FYTTD1: variants seen among roughly 807,000 people sequenced by gnomAD.
The protein encoded by FYTTD1 is UAP56-interacting factor.
Under a neutral mutation model 40.9 loss-of-function variants are expected in FYTTD1, and 22 were observed. The observed-to-expected ratio is 0.54, with a 90% confidence interval of 0.38 to 0.77. The LOEUF is 0.77. Ranked by LOEUF, FYTTD1 falls within the 30% of genes least tolerant of loss-of-function variation. The probability of loss-of-function intolerance (pLI) is 0.00; values close to 1 mark genes in which losing one functional copy is unlikely to be tolerated. For synonymous variants in FYTTD1, 140 were observed against 137.9 expected (o/e 1.01, Z -0.10); for missense variants, 351 against 392.2 (o/e 0.90, Z 0.89).
At chr3:197,755,048 C>T (rs1303254877) in intron 1 of FYTTD1, among the ~76,000 whole-genome samples, 1 of 152,126 alleles carries the variant, frequency 6.6e-6, no homozygotes, top group African/African-American at 2.4e-5. Context: ...TTCTGGTCTT[C>T]ACCTTGTTCT....
intron 2 of FYTTD1, among the ~76,000 whole-genome samples, chr3:197,766,152 G>C (rs1729537074): frequency 8.4e-6 from 1 of 119,390 alleles, no homozygotes; most frequent in Non-Finnish European, 1.7e-5. Flanking sequence ...AACAGAGCGA[G>C]ACTCTGTCTC....
intron 4 of FYTTD1, 38 bp from the exon 5 acceptor site, chr3:197,773,361 GTAGT>G (rs751774401): frequency 8.5e-7 from 1 of 1,178,998 alleles, no homozygotes; most frequent in Non-Finnish European, 1.2e-6. Flanking sequence ...ATGTTTGAAA[GTAGT>G]TAAATGGCTT....
At chr3:197,777,312 A>G in intron 7 of FYTTD1, among the ~76,000 whole-genome samples, 1 of 152,156 alleles carries the variant, frequency 6.6e-6, no homozygotes, top group Non-Finnish European at 1.5e-5. Flanking sequence ...GCTGGAGTGC[A>G]GTGCCATGAT....
chr3:197,770,643 G>A lies in FYTTD1; in HGVS notation c.497+399G>A, dbSNP rs146176736. On this transcript the variant is annotated intron_variant, in intron 4 of 8. Transcript: ENST00000241502. ...TCCCTGGAGCCTTGGCCTGCCCTGG[G>A]CTCAAGCGATCCTCCCACATCAGCC... 1.2e-3 allele frequency among the ~76,000 whole-genome samples: 183 copies of A among 152,230 alleles called. No individual in the cohort carries two copies. The East Asian group carries it at 0.029, about 24-fold the overall frequency.
intron 4 of FYTTD1, 26 bp from the exon 5 acceptor site, chr3:197,773,377 G>A (rs1318063506): frequency 5.0e-6 from 7 of 1,389,734 alleles, no homozygotes; most frequent in Non-Finnish European, 6.1e-6. Context: ...AAATGGCTTA[G>A]CATGGCCTAT....
chr3:197,756,305 T>C lies in FYTTD1; in HGVS notation c.104-121T>C, dbSNP rs1426603123. ...TGGCTGATTCTTGTTATTATCCTCT[T>C]ATGGAAGTGCTTTCAAAGTAGAAAA... On this transcript the variant is annotated intron_variant, in intron 1 of 8. Transcript: ENST00000241502. 3 of 702,548 alleles carry C rather than the reference T, an allele frequency of 4.3e-6. No individual in the cohort carries two copies. The Admixed American group carries it at 7.8e-5, about 18-fold the overall frequency. 43.5% of individuals were successfully genotyped at this position (702,548 alleles called of 1,614,324 possible). A position where few individuals can be genotyped will look rare whatever the true frequency, so the allele number is the denominator to read the frequency against.
At chr3:197,754,417 CTTAAAGA>C (rs1462737783) in intron 1 of FYTTD1, among the ~76,000 whole-genome samples, 14 of 152,128 alleles carry the variant, frequency 9.2e-5, no homozygotes, top group Admixed American at 1.3e-4. Flanking sequence ...AATTAAGAGT[CTTAAAGA>C]TTAGAGATTG....
intron 6 of FYTTD1, 47 bp downstream of exon 6, chr3:197,774,257 A>G (rs1308226437): frequency 7.0e-7 from 1 of 1,421,784 alleles, no homozygotes; most frequent in African/African-American, 1.4e-5. Flanking sequence ...AACTCCCAGA[A>G]TACTAACTAC....
intron 2 of FYTTD1, among the ~76,000 whole-genome samples, chr3:197,766,732 C>T (rs1729562226): frequency 6.6e-6 from 1 of 152,000 alleles, no homozygotes; most frequent in South Asian, 2.1e-4. Context: ...CATCAGCCAC[C>T]ATGCCCAGCC....
chr3:197,768,385 C>T (rs1057126085), intron 2 of FYTTD1, 54 bp from the exon 3 acceptor site: 11 of 1,311,382 alleles, frequency 8.4e-6, no homozygotes, highest in South Asian at 3.0e-5. Flanking sequence ...ATCCTGTGAC[C>T]GTCCCAATTG....
chr3:197,753,860 C>T (rs1011969878), intron 1 of FYTTD1, among the ~76,000 whole-genome samples: 20 of 152,088 alleles, frequency 1.3e-4, no homozygotes, highest in African/African-American at 4.8e-4. Context: ...CTGCCTCAGC[C>T]TCCCAAGTAG....
chr3:197,750,498 T>C (rs979896929), intron 1 of FYTTD1: 1 of 987,488 alleles, frequency 1.0e-6, no homozygotes, highest in Non-Finnish European at 1.2e-6. Context: ...GACCGAGCCG[T>C]TCTCTCTGAA....
chr3:197,765,927 C>T (rs1441760647), intron 2 of FYTTD1, among the ~76,000 whole-genome samples: 3 of 149,714 alleles, frequency 2.0e-5, no homozygotes, highest in African/African-American at 4.9e-5. Context: ...ACCTGGGAGG[C>T]GGAGGTTGCA....
chr3:197,762,133 A>AT (rs1359043046), intron 2 of FYTTD1, among the ~76,000 whole-genome samples: 9 of 152,182 alleles, frequency 5.9e-5, no homozygotes, highest in African/African-American at 1.7e-4. Context: ...ATACCATCAC[A>AT]TTAAGTGTTA....
intron 1 of FYTTD1, among the ~76,000 whole-genome samples, chr3:197,754,840 A>C (rs1481754092): frequency 6.6e-6 from 1 of 151,844 alleles, no homozygotes; most frequent in East Asian, 1.9e-4. Context: ...AATTTTTAAA[A>C]ATTATTTGTG....
At chr3:197,761,788 G>A (rs1729396658) in intron 2 of FYTTD1, among the ~76,000 whole-genome samples, 2 of 152,232 alleles carry the variant, frequency 1.3e-5, no homozygotes, top group Admixed American at 6.5e-5. Context: ...CTTTTCCAGA[G>A]TCTACATGAT....
chr3:197,766,639 C>T (rs1027473756), intron 2 of FYTTD1, among the ~76,000 whole-genome samples: 23 of 152,026 alleles, frequency 1.5e-4, no homozygotes, highest in African/African-American at 5.1e-4. Context: ...GATGGGGTGT[C>T]GCCATGTTGC....
chr3:197,769,110 C>T (rs1423879294), intron 3 of FYTTD1, among the ~76,000 whole-genome samples: 3 of 140,308 alleles, frequency 2.1e-5, no homozygotes, highest in East Asian at 2.2e-4. Context: ...TTTTTCAAGA[C>T]AGAGTCTTGC....
rs915905673 is a variant in FYTTD1 at position 197,783,073 on chromosome 3, G to A, written c.*1164G>A. 1.3e-5 allele frequency: 2 copies of A among 152,498 alleles called. No homozygotes were observed. The highest frequency in any genetic ancestry group is 4.8e-5 in the African/African-American group (2 of 41,390). 9.4% of individuals were successfully genotyped at this position (152,498 alleles called of 1,614,324 possible). A position where few individuals can be genotyped will look rare whatever the true frequency, so the allele number is the denominator to read the frequency against. ...CTTATATGGTATAAATTAAAGTTCA[G>A]GCATTTATGGGGAGAAAAGGCCCTC... On this transcript the variant is annotated 3_prime_UTR_variant, in exon 9 of 9. Coordinates refer to ENST00000241502, the MANE Select transcript of FYTTD1 (RefSeq NM_032288.7).
Sources: gnomAD v4.1 joint callset for allele counts (sites outside exome capture counted in the v4.1 genomes callset) on GRCh38, gnomAD v4.1.1 for gene constraint, MANE v1.5 for transcripts, NCBI Gene and HGNC (gene_info 2026-07-23, HGNC 2026-07-21) for gene names.